CNNM1: variants seen among roughly 807,000 people sequenced by gnomAD.
The protein encoded by CNNM1 is metal transporter CNNM1.
In CNNM1, 44 loss-of-function variants were observed where a neutral mutation model predicts 78.8. That is an observed-to-expected ratio of 0.56 (90% CI 0.44 to 0.72). CNNM1 has a LOEUF of 0.72. CNNM1 is among the 30% of genes least tolerant of loss of function. The pLI, the probability that CNNM1 is intolerant of heterozygous loss-of-function variation, is 0.00. For synonymous variants in CNNM1, 584 were observed against 581.5 expected (o/e 1.00, Z -0.06); for missense variants, 1,101 against 1,292.2 (o/e 0.85, Z 2.27).
chr10:99,351,358 ACCACATATG>A (rs961396642), intron 1 of CNNM1, among the ~76,000 whole-genome samples: 6 of 152,172 alleles, frequency 3.9e-5, no homozygotes, highest in South Asian at 2.1e-4. Context: ...TGCCCACTTT[ACCACATATG>A]CCACATATGC....
At chr10:99,337,677 G>A (rs2030251699) in intron 1 of CNNM1, among the ~76,000 whole-genome samples, 1 of 152,056 alleles carries the variant, frequency 6.6e-6, no homozygotes, top group Admixed American at 6.5e-5. Context: ...GTTTATAAGT[G>A]CCTCCCACCC....
intron 7 of CNNM1, among the ~76,000 whole-genome samples, chr10:99,378,841 C>T (rs2032055204): frequency 6.6e-6 from 1 of 152,174 alleles, no homozygotes; most frequent in Non-Finnish European, 1.5e-5. Flanking sequence ...GCCCTGAAGT[C>T]AGTGGGCTTT....
intron 7 of CNNM1, among the ~76,000 whole-genome samples, chr10:99,380,585 G>A (rs2032112437): frequency 6.6e-6 from 1 of 152,138 alleles, no homozygotes; most frequent in African/African-American, 2.4e-5. Context: ...GAGGTCAGGA[G>A]TTTGTGACCA....
In CNNM1 at chr10:99,368,639, C is replaced by T. The variant is rs759367881; in HGVS notation, c.2176+3637C>T. 6.5e-5 allele frequency: 84 copies of T among 1,289,632 alleles called. 1 individual carries two copies. Among genetic ancestry groups the T allele is most frequent in the Admixed American group, 4.6e-5 (2 of 43,552 alleles). The allele number at this position is 1,289,632 out of a possible 1,614,324, so 79.9% of individuals were successfully genotyped here. On this transcript the variant is annotated intron_variant, in intron 6 of 10. Transcript: ENST00000356713. ...TTAGTGCCTGTCTCTGTGTCTCGTACCTTCGCTGTCAGCAGAGGGGACTCT... is the reference window on the plus strand; with the variant it reads ...TTAGTGCCTGTCTCTGTGTCTCGTATCTTCGCTGTCAGCAGAGGGGACTCT...
intron 7 of CNNM1, among the ~76,000 whole-genome samples, chr10:99,384,989 T>A (rs940281338): frequency 2.0e-5 from 3 of 150,632 alleles, no homozygotes; most frequent in African/African-American, 7.4e-5. Context: ...ATTGCTTGAA[T>A]CTGGGAGGCA....
intron 1 of CNNM1, among the ~76,000 whole-genome samples, chr10:99,336,897 T>C (rs2030212992): frequency 6.6e-6 from 1 of 152,012 alleles, no homozygotes; most frequent in East Asian, 1.9e-4. Flanking sequence ...TAAGCCAAGA[T>C]CATGCCACTG....
chr10:99,356,554 C>CAGAAAGAAAGAAAGAAAAGAAAAGAA (rs1189884919), intron 1 of CNNM1, among the ~76,000 whole-genome samples: 3 of 44,494 alleles, frequency 6.7e-5, no homozygotes, highest in Admixed American at 2.6e-4. Flanking sequence ...GACAGACAGA[C>CAGAAAGAAAGAAAGAAAAGAAAAGAA]AGACAGACAG....
At chr10:99,359,004 C>CAAAAAAA (rs769541046) in intron 2 of CNNM1, among the ~76,000 whole-genome samples, 2 of 51,516 alleles carry the variant, frequency 3.9e-5, no homozygotes, top group African/African-American at 7.1e-5. Flanking sequence ...AAGACTGTCT[C>CAAAAAAA]AAAAAAAAAA....
rs370666334 is a variant in CNNM1, at chr10:99,377,158, C to T, written c.2280C>T (p.Ser760=). ...GGSNTQLYSS[S]NNLYMPDYSV... The stretch of plus-strand genomic sequence containing the variant: ...GCAACACCCAGCTGTACAGCAGCAG[C>T]AACAACCTCTACATGCCTGACTACT... Residue 760 remains serine (S), a synonymous_variant, in exon 7 of 11, where the codon AGC becomes AGT. Transcript: ENST00000356713. The T allele has an allele frequency of 3.1e-6, 5 of 1,613,394 alleles. No individual in the cohort carries two copies. Among genetic ancestry groups the T allele is most frequent in the African/African-American group, 1.3e-5 (1 of 74,920 alleles).
intron 1 of CNNM1, among the ~76,000 whole-genome samples, chr10:99,338,381 C>T (rs1398405867): frequency 1.3e-5 from 2 of 149,724 alleles, no homozygotes; most frequent in East Asian, 4.0e-4. Flanking sequence ...CAGGTTCAAG[C>T]GATTCTCCTG....
intron 1 of CNNM1, among the ~76,000 whole-genome samples, chr10:99,345,849 T>C (rs1289219438): frequency 6.6e-6 from 1 of 152,190 alleles, no homozygotes; most frequent in African/African-American, 2.4e-5. Flanking sequence ...TTTTCTTTTA[T>C]ATTTTTTAAT....
intron 10 of CNNM1, 62 bp downstream of exon 10, chr10:99,390,469 T>C: frequency 8.4e-7 from 1 of 1,190,084 alleles, no homozygotes; most frequent in Non-Finnish European, 1.2e-6. Flanking sequence ...AGGAAAAGCA[T>C]GTTAGCATCT....
Position 99,329,467 on chromosome 10 carries a change from T to C in CNNM1, c.80T>C (p.Leu27Pro). Residue 27 changes from leucine (L) to proline (P), a missense_variant, in exon 1 of 11, where the codon CTC becomes CCC. Physicochemically the swap from Leu to Pro is moderately conservative, Grantham distance 98 (BLOSUM62 -3). This residue lies in a region of CNNM1 where 476 missense variants were observed against 484.5 expected (regional missense o/e 0.98). Transcript: ENST00000356713. ...DCCSRGAVLL[L>P]FFSLSPRPPA... ...TGCAGCCGAGGCGCTGTGCTCCTGC[T>C]CTTCTTTTCCCTGTCTCCTCGGCCC... 6.9e-7 allele frequency: 1 copy of C among 1,442,976 alleles called. No homozygotes were observed. The highest frequency in any genetic ancestry group is 9.3e-7 in the Non-Finnish European group (1 of 1,074,422). 89.4% of individuals were successfully genotyped at this position (1,442,976 alleles called of 1,614,324 possible). A position where few individuals can be genotyped will look rare whatever the true frequency, so the allele number is the denominator to read the frequency against.
chr10:99,394,244 A>T lies in CNNM1; in HGVS notation c.*2728A>T, dbSNP rs957751948. On this transcript the variant is annotated 3_prime_UTR_variant, in exon 11 of 11. Coordinates refer to ENST00000356713, the MANE Select transcript of CNNM1 (RefSeq NM_020348.3). ...TTTCTTCAGGTTAAAAAAAAAGTTT[A>T]AAAAAAAGATTTTAAAATAAAGCAT... 2 of 152,374 alleles carry T rather than the reference A, an allele frequency of 1.3e-5. No homozygotes were observed. Among genetic ancestry groups the T allele is most frequent in the Admixed American group, 6.5e-5 (1 of 15,274 alleles). The allele number at this position is 152,374 out of a possible 1,614,324, so 9.4% of individuals were successfully genotyped here. A position where few individuals can be genotyped will look rare whatever the true frequency, so the allele number is the denominator to read the frequency against.
chr10:99,361,764 A>G (rs1157760616), intron 3 of CNNM1, among the ~76,000 whole-genome samples: 1 of 152,220 alleles, frequency 6.6e-6, no homozygotes, highest in African/African-American at 2.4e-5. Context: ...CACATTATTG[A>G]CAACTTATTA....
intron 1 of CNNM1, among the ~76,000 whole-genome samples, chr10:99,350,008 CA>C: frequency 6.6e-6 from 1 of 152,018 alleles, no homozygotes; most frequent in Non-Finnish European, 1.5e-5. Context: ...CAAAACAAAA[CA>C]AAAAAACACA....
chr10:99,330,133 T>C lies in CNNM1; in HGVS notation c.746T>C (p.Leu249Pro). 6.5e-7 allele frequency: 1 copy of C among 1,547,804 alleles called. No individual in the cohort carries two copies. ...GGCCTGCGCCTGAGCCTGCTGTCGC[T>C]GGACCCGGTGGAGTTACGGGTGCTG... Reference protein sequence around the residue: ...FSGLRLSLLSLDPVELRVLRN... With the variant: ...FSGLRLSLLSPDPVELRVLRN... Residue 249 changes from leucine to proline, a missense_variant, in exon 1 of 11, where the codon CTG (leucine) becomes CCG (proline). By Grantham distance (98) the Leu-to-Pro change is moderately conservative. Transcript: ENST00000356713.
chr10:99,391,146 G>C (rs1243460503), intron 10 of CNNM1, among the ~76,000 whole-genome samples: 5 of 152,268 alleles, frequency 3.3e-5, no homozygotes, highest in African/African-American at 1.2e-4. Context: ...GCATGGGCCT[G>C]AGGTGTTACA....
At chr10:99,342,373 A>G (rs1275791693) in intron 1 of CNNM1, among the ~76,000 whole-genome samples, 2 of 152,196 alleles carry the variant, frequency 1.3e-5, no homozygotes, top group Non-Finnish European at 2.9e-5. Flanking sequence ...TCTGGTGACG[A>G]ACAACTATTT....
Sources: gnomAD v4.1 joint callset for allele counts (sites outside exome capture counted in the v4.1 genomes callset) on GRCh38, gnomAD v4.1.1 for gene constraint, gnomAD v4.1.1 regional missense constraint, MANE v1.5 for transcripts, NCBI Gene and HGNC (gene_info 2026-07-23, HGNC 2026-07-21) for gene names.